OGDH: variants seen among roughly 807,000 people sequenced by gnomAD.
The protein encoded by OGDH is oxoglutarate dehydrogenase, also known as 2-oxoglutarate dehydrogenase complex component E1.
Under a neutral mutation model 116.6 loss-of-function variants are expected in OGDH, and 38 were observed. The ratio of observed to expected loss-of-function variants is 0.33; its 90% CI spans 0.25 to 0.43. The LOEUF is 0.43. Among genes scored for constraint, OGDH ranks in the 20% least tolerant of loss-of-function variants. The pLI is 1.00. For synonymous variants in OGDH, 488 were observed against 533.3 expected (o/e 0.92, Z 1.17); for missense variants, 825 against 1,357.2 (o/e 0.61, Z 6.16).
intron 2 of OGDH, among the ~76,000 whole-genome samples, chr7:44,634,661 T>C (rs1785586478): frequency 6.6e-6 from 1 of 152,250 alleles, no homozygotes; most frequent in Admixed American, 6.5e-5. Context: ...AAGCCCATTC[T>C]TAACTGGCCT....
intron 10 of OGDH, among the ~76,000 whole-genome samples, chr7:44,693,013 A>G (rs1254115867): frequency 1.3e-5 from 2 of 152,016 alleles, no homozygotes; most frequent in African/African-American, 4.8e-5. Flanking sequence ...CTTTAAAAAA[A>G]AAAAAAAAAT....
At chr7:44,665,694 A>G (rs2268315) in intron 4 of OGDH, among the ~76,000 whole-genome samples, 28,337 of 152,156 alleles carry the variant, frequency 0.19, 6,335 homozygotes, top group African/African-American at 0.52. Flanking sequence ...AGACTTCGCA[A>G]AATACCAGTT....
chr7:44,707,453 G>GA lies in OGDH; in HGVS notation c.2796+67dup. The GA allele has an allele frequency of 6.2e-7, 1 of 1,602,140 alleles. No homozygotes were observed. Among genetic ancestry groups the GA allele is most frequent in the Non-Finnish European group, 8.5e-7 (1 of 1,173,224 alleles). On this transcript the variant is annotated intron_variant, in intron 21 of 22. Transcript: ENST00000222673. This position sits in a 1 kb window ranked among gnomAD's most constrained non-coding sequence, Gnocchi z 5.2. Reference sequence around the variant, plus strand: ...GGGTCAGGGCTCTGGTGCCTTCACAGAACAGCCTTGCTTGGGGTGTGGCCC... The same window carrying GA: ...GGGTCAGGGCTCTGGTGCCTTCACAGAAACAGCCTTGCTTGGGGTGTGGCCC...
Position 44,707,916 on chromosome 7 carries a change from G to A in OGDH, c.2989G>A (p.Gly997Ser), listed in dbSNP as rs1402614488. Residue 997 changes from glycine (G) to serine (S), a missense_variant, in exon 23 of 23, where the codon GGC (glycine) becomes AGC (serine). By Grantham distance (56) the Gly-to-Ser change is moderately conservative. Around this residue, in one of 7 missense-constraint regions of OGDH, gnomAD observed 212 missense variants for 284.3 expected, o/e 0.75. Coordinates refer to ENST00000222673, the MANE Select transcript of OGDH (RefSeq NM_002541.4). This position sits in a 1 kb window ranked among gnomAD's most constrained non-coding sequence, Gnocchi z 5.2. ...GRDPAAAPAT[G>S]NKKTHLTELQ... ...GGACCCAGCGGCTGCTCCAGCCACC[G>A]GCAACAAGAAGACCCACCTGACGGA... 1 of 1,613,774 alleles carries A rather than the reference G, an allele frequency of 6.2e-7. No homozygotes were observed. The highest frequency in any genetic ancestry group is 8.5e-7 in the Non-Finnish European group (1 of 1,179,998).
At chr7:44,613,043 T>C (rs1330886558) in intron 1 of OGDH, among the ~76,000 whole-genome samples, 1 of 149,886 alleles carries the variant, frequency 6.7e-6, no homozygotes, top group Non-Finnish European at 1.5e-5. Flanking sequence ...ACCAACGTAA[T>C]TTTTTTGTAT....
chr7:44,703,245 G>A (rs1341201042), intron 20 of OGDH, among the ~76,000 whole-genome samples: 1 of 151,680 alleles, frequency 6.6e-6, no homozygotes, highest in African/African-American at 2.4e-5. Flanking sequence ...GTGAAACCCC[G>A]TCTCTATTAA....
intron 5 of OGDH, among the ~76,000 whole-genome samples, chr7:44,669,693 G>T (rs906680700): frequency 1.3e-5 from 2 of 151,946 alleles, no homozygotes; most frequent in Non-Finnish European, 2.9e-5. Context: ...CTCCCTTTCA[G>T]TCCAGTTGAT....
At chr7:44,652,465 C>G (rs912038871) in intron 4 of OGDH, among the ~76,000 whole-genome samples, 2 of 152,186 alleles carry the variant, frequency 1.3e-5, no homozygotes, top group Non-Finnish European at 2.9e-5. Flanking sequence ...AGGTAAATCT[C>G]CAGATGCCCA....
At chr7:44,617,168 G>A (rs1226219604) in intron 1 of OGDH, among the ~76,000 whole-genome samples, 1 of 151,536 alleles carries the variant, frequency 6.6e-6, no homozygotes, top group Non-Finnish European at 1.5e-5. Flanking sequence ...CCTGATCTCA[G>A]GTGATCCACC....
intron 20 of OGDH, among the ~76,000 whole-genome samples, chr7:44,702,706 C>T (rs1214159321): frequency 6.6e-6 from 1 of 152,190 alleles, no homozygotes; most frequent in Non-Finnish European, 1.5e-5. Flanking sequence ...CATTCTCCCA[C>T]CTCAGCCTCC....
At chr7:44,646,312 G>A (rs1235849050) in intron 3 of OGDH, among the ~76,000 whole-genome samples, 4 of 152,214 alleles carry the variant, frequency 2.6e-5, no homozygotes, top group Non-Finnish European at 5.9e-5. Flanking sequence ...GCAACAAGGG[G>A]ACTCATGTCC....
Position 44,693,992 on chromosome 7 carries a change from G to A in OGDH, c.1503G>A (p.Val501=), listed in dbSNP as rs1406303942. 1.9e-6 allele frequency: 3 copies of A among 1,612,054 alleles called. No individual in the cohort carries two copies. The African/African-American group carries it at 4.0e-5, about 22-fold the overall frequency. The stretch of plus-strand genomic sequence containing the variant: ...GGAGGAGCACCTTCCACAAGGACGT[G>A]GTTGTCGATTTGGTGAGTGACTCTG... ...AEWRSTFHKD[V]VVDLVCYRRN... Residue 501 remains valine (V), a synonymous_variant, in exon 11 of 23, where the codon GTG becomes GTA. Transcript: ENST00000222673.
At chr7:44,614,559 C>G (rs1038818099) in intron 1 of OGDH, among the ~76,000 whole-genome samples, 1 of 151,996 alleles carries the variant, frequency 6.6e-6, no homozygotes, top group Non-Finnish European at 1.5e-5. Context: ...CACTGATTTC[C>G]TCTGTCTTTA....
intron 18 of OGDH, 67 bp downstream of exon 18, chr7:44,698,330 C>T: frequency 6.6e-7 from 1 of 1,505,410 alleles, no homozygotes; most frequent in Non-Finnish European, 9.2e-7. Flanking sequence ...TGGGGAAGAG[C>T]AATCTATCTG....
intron 2 of OGDH, among the ~76,000 whole-genome samples, chr7:44,642,945 A>G (rs79883537): frequency 0.096 from 14,552 of 151,354 alleles, 1,410 homozygotes; most frequent in East Asian, 0.39. Flanking sequence ...ATTTTTAAAT[A>G]TAATTCACAT....
At chr7:44,681,536 C>T (rs577723994) in intron 9 of OGDH, among the ~76,000 whole-genome samples, 184 bp from the exon 10 acceptor site, 9 of 152,320 alleles carry the variant, frequency 5.9e-5, no homozygotes, top group Non-Finnish European at 1.2e-4. Flanking sequence ...TGGTGTTGAG[C>T]AGATATACCA....
intron 1 of OGDH, among the ~76,000 whole-genome samples, chr7:44,614,294 G>GTTTT: frequency 7.2e-6 from 1 of 139,534 alleles, no homozygotes; most frequent in Non-Finnish European, 1.6e-5. Flanking sequence ...CAAGGTTTTG[G>GTTTT]TTTTTTTTGT....
intron 14 of OGDH, 91 bp downstream of exon 14, chr7:44,696,648 A>T: frequency 6.5e-7 from 1 of 1,533,924 alleles, no homozygotes; most frequent in Non-Finnish European, 8.9e-7. Flanking sequence ...CCCACCCATC[A>T]TGTGTCCTAC....
At chr7:44,659,090 A>G (rs1418436677) in intron 4 of OGDH, among the ~76,000 whole-genome samples, 1 of 151,954 alleles carries the variant, frequency 6.6e-6, no homozygotes, top group Non-Finnish European at 1.5e-5. Context: ...TGCCCACCTC[A>G]CCCTCCCAAA....
Sources: allele counts gnomAD v4.1 joint callset (sites outside exome capture counted in the v4.1 genomes callset), GRCh38; gene constraint gnomAD v4.1.1; regional missense constraint gnomAD v4.1.1; non-coding constraint Gnocchi (gnomAD v3.1); transcripts MANE v1.5; gene names NCBI Gene and HGNC (gene_info 2026-07-23, HGNC 2026-07-21).